LRMDA: variants seen among roughly 807,000 people sequenced by gnomAD.
LRMDA encodes the protein leucine-rich melanocyte differentiation-associated protein.
Under a neutral mutation model 29.8 loss-of-function variants are expected in LRMDA, and 18 were observed. That is an observed-to-expected ratio of 0.60 (90% CI 0.42 to 0.90). LRMDA has a LOEUF of 0.90. LRMDA is among the 40% of genes least tolerant of loss of function. The probability of loss-of-function intolerance (pLI) is 0.00; values close to 1 mark genes in which losing one functional copy is unlikely to be tolerated. For missense variants in LRMDA, 273 were observed against 273.9 expected, an observed-to-expected ratio of 1.00 and a Z score of 0.02; for synonymous variants, 125 against 109.4, an observed-to-expected ratio of 1.14 and a Z score of -0.89.
chr10:76,181,590 G>A (rs1437996797), intron 5 of LRMDA, among the ~76,000 whole-genome samples: 5 of 152,174 alleles, frequency 3.3e-5, no homozygotes, highest in African/African-American at 9.7e-5. Flanking sequence ...CAGCAAGAGA[G>A]TCTGTATGCC....
chr10:75,553,585 AT>A (rs1840178981), intron 2 of LRMDA, among the ~76,000 whole-genome samples: 1 of 152,046 alleles, frequency 6.6e-6, no homozygotes, highest in Non-Finnish European at 1.5e-5. Context: ...GTAGGAGAGC[AT>A]TTTCTGTCCC....
chr10:76,494,453 A>G (rs1228680013), intron 6 of LRMDA, among the ~76,000 whole-genome samples: 1 of 151,472 alleles, frequency 6.6e-6, no homozygotes, highest in Non-Finnish European at 1.5e-5. Flanking sequence ...TTAAATTTCC[A>G]TAGCATGATG....
At chr10:75,890,447 C>T (rs1845466226) in intron 2 of LRMDA, among the ~76,000 whole-genome samples, 1 of 152,200 alleles carries the variant, frequency 6.6e-6, no homozygotes, top group Non-Finnish European at 1.5e-5. Flanking sequence ...AATCAGTTCT[C>T]ACCTGACAAA....
chr10:75,476,929 A>G (rs1844800953), intron 2 of LRMDA, among the ~76,000 whole-genome samples: 2 of 151,354 alleles, frequency 1.3e-5, no homozygotes, highest in Non-Finnish European at 2.9e-5. Context: ...GTGTCTCTAT[A>G]TGGCCTTCCC....
At chr10:75,736,623 A>AC (rs1842765727) in intron 2 of LRMDA, among the ~76,000 whole-genome samples, 1 of 152,216 alleles carries the variant, frequency 6.6e-6, no homozygotes, top group East Asian at 1.9e-4. Context: ...CAGACTTAGA[A>AC]ATAGAAACAC....
At chr10:76,512,995 G>T (rs190737643) in intron 6 of LRMDA, among the ~76,000 whole-genome samples, 2 of 152,136 alleles carry the variant, frequency 1.3e-5, no homozygotes. Flanking sequence ...TTTAGAGAAG[G>T]AAAGTGTACC....
At chr10:75,506,504 G>A (rs746640705) in intron 2 of LRMDA, among the ~76,000 whole-genome samples, 1 of 151,800 alleles carries the variant, frequency 6.6e-6, no homozygotes, top group Non-Finnish European at 1.5e-5. Context: ...GTGTCTTATA[G>A]CAGATCAGTG....
chr10:75,625,533 G>C (rs1841239848), intron 2 of LRMDA, among the ~76,000 whole-genome samples: 2 of 152,156 alleles, frequency 1.3e-5, no homozygotes, highest in Non-Finnish European at 2.9e-5. Context: ...CACTTATTTG[G>C]TAAAAGTAAT....
chr10:76,479,220 G>T (rs1842711764), intron 6 of LRMDA, among the ~76,000 whole-genome samples: 1 of 151,770 alleles, frequency 6.6e-6, no homozygotes, highest in Non-Finnish European at 1.5e-5. Flanking sequence ...TTTCTTATTT[G>T]TGGACCTTAG....
chr10:76,431,246 G>T (rs376705774), intron 6 of LRMDA, among the ~76,000 whole-genome samples: 1 of 152,112 alleles, frequency 6.6e-6, no homozygotes, highest in Non-Finnish European at 1.5e-5. Context: ...GTGAATTTAC[G>T]TGTTTGAGGC....
In LRMDA at chr10:75,900,778, C is replaced by G. The variant is rs376712325; in HGVS notation, c.132-135230C>G. Among the ~76,000 whole-genome samples the G allele has an allele frequency of 7.2e-5, 11 of 152,124 alleles. No homozygotes were observed. The East Asian group carries it at 1.4e-3, about 19-fold the overall frequency. On this transcript the variant is annotated intron_variant, in intron 2 of 6. Coordinates refer to ENST00000611255, the MANE Select transcript of LRMDA (RefSeq NM_001305581.2). ...GAATGTGTTCTTCCTCCATGCCCAC[C>G]CCCCCACCTTTCTTTTTCTTTTTAA...
At chr10:75,599,565 G>GTCCA (rs1304800627) in intron 2 of LRMDA, among the ~76,000 whole-genome samples, 1 of 152,216 alleles carries the variant, frequency 6.6e-6, no homozygotes, top group African/African-American at 2.4e-5. Flanking sequence ...AAAGCAGGAT[G>GTCCA]TCCATGGAGA....
chr10:75,891,289 A>G (rs1301717913), intron 2 of LRMDA, among the ~76,000 whole-genome samples: 1 of 152,204 alleles, frequency 6.6e-6, no homozygotes, highest in African/African-American at 2.4e-5. Context: ...GCCCCTTGCT[A>G]CCACAAGTGT....
chr10:75,811,316 A>G (rs1213688954), intron 2 of LRMDA, among the ~76,000 whole-genome samples: 10 of 151,950 alleles, frequency 6.6e-5, no homozygotes, highest in Admixed American at 6.6e-4. Flanking sequence ...CTTTGTAGAG[A>G]GCCTCAGTTG....
intron 6 of LRMDA, among the ~76,000 whole-genome samples, chr10:76,519,739 A>T (rs749367333): frequency 2.6e-5 from 4 of 152,174 alleles, no homozygotes; most frequent in African/African-American, 9.6e-5. Flanking sequence ...AAAAATTTAT[A>T]TGATGCCTTG....
At chr10:75,618,355 ACTCTCTCTCTCTCTCT>A (rs753240055) in intron 2 of LRMDA, among the ~76,000 whole-genome samples, 3 of 131,882 alleles carry the variant, frequency 2.3e-5, no homozygotes, top group Admixed American at 7.7e-5. Flanking sequence ...TCTTTACCAG[ACTCTCTCTCTCTCTCT>A]CTCTCTCTCT....
chr10:76,082,800 A>G (rs938480086), intron 5 of LRMDA, among the ~76,000 whole-genome samples: 3 of 152,176 alleles, frequency 2.0e-5, no homozygotes, highest in Non-Finnish European at 4.4e-5. Flanking sequence ...TAATATACTC[A>G]TATCCTGTGC....
intron 2 of LRMDA, among the ~76,000 whole-genome samples, chr10:75,644,087 G>C (rs1457666814): frequency 1.3e-5 from 2 of 152,188 alleles, no homozygotes. Context: ...GATCTGGGAG[G>C]TGATTAGACT....
intron 2 of LRMDA, among the ~76,000 whole-genome samples, chr10:75,732,919 G>A (rs1415772386): frequency 1.3e-5 from 2 of 152,196 alleles, no homozygotes; most frequent in African/African-American, 2.4e-5. Flanking sequence ...GTCCAGGGAA[G>A]CAGTCTCCTT....
Sources: allele counts gnomAD v4.1 joint callset (sites outside exome capture counted in the v4.1 genomes callset), GRCh38; gene constraint gnomAD v4.1.1; transcripts MANE v1.5; gene names NCBI Gene and HGNC (gene_info 2026-07-23, HGNC 2026-07-21).